Variants in LDLRAD3 observed in about 807,000 individuals in gnomAD.
The protein encoded by LDLRAD3 is low-density lipoprotein receptor class A domain-containing protein 3.
Under a neutral mutation model 29.4 loss-of-function variants are expected in LDLRAD3, and 20 were observed. The observed-to-expected ratio is 0.68, with a 90% CI of 0.48 to 0.99. The LOEUF is 0.99. Ranked by LOEUF, LDLRAD3 falls within the 50% of genes least tolerant of loss-of-function variation. LDLRAD3 has a pLI of 0.00. For missense variants in LDLRAD3, 420 were observed against 454.3 expected (o/e 0.92, Z 0.69); for synonymous variants, 157 against 192.7 (o/e 0.81, Z 1.53).
chr11:36,212,518 C>T (rs1035887291), intron 4 of LDLRAD3, among the ~76,000 whole-genome samples: 3 of 151,524 alleles, frequency 2.0e-5, no homozygotes, highest in Admixed American at 6.6e-5. Flanking sequence ...TGCCATTGCA[C>T]TCTAGCCTGG....
intron 2 of LDLRAD3, among the ~76,000 whole-genome samples, chr11:36,061,794 G>C (rs1223144393): frequency 6.6e-6 from 1 of 152,104 alleles, no homozygotes; most frequent in Non-Finnish European, 1.5e-5. Flanking sequence ...ATGGCAACTG[G>C]GTCTTTGGTA....
At chr11:35,970,760 T>C (rs1183298777) in intron 1 of LDLRAD3, among the ~76,000 whole-genome samples, 1 of 152,228 alleles carries the variant, frequency 6.6e-6, no homozygotes, top group Non-Finnish European at 1.5e-5. Context: ...ATTTTCATGA[T>C]GGAGCCAGCA....
chr11:35,981,649 G>A (rs996998207), intron 1 of LDLRAD3, among the ~76,000 whole-genome samples: 1 of 152,120 alleles, frequency 6.6e-6, no homozygotes, highest in Admixed American at 6.5e-5. Flanking sequence ...AAAGGAAGTC[G>A]ATTTCAGTAG....
At chr11:36,138,649 G>A (rs930126472) in intron 4 of LDLRAD3, among the ~76,000 whole-genome samples, 3 of 152,212 alleles carry the variant, frequency 2.0e-5, no homozygotes, top group African/African-American at 7.2e-5. Context: ...CTGCATTTTG[G>A]TGACAGATTT....
intron 1 of LDLRAD3, among the ~76,000 whole-genome samples, chr11:35,956,152 A>G (rs1187962411): frequency 3.3e-5 from 5 of 152,142 alleles, no homozygotes; most frequent in Non-Finnish European, 5.9e-5. Flanking sequence ...GAGAAGGTGT[A>G]TTTTTGTTAT....
At chr11:35,955,801 A>G (rs1851193629) in intron 1 of LDLRAD3, among the ~76,000 whole-genome samples, 1 of 152,232 alleles carries the variant, frequency 6.6e-6, no homozygotes, top group Non-Finnish European at 1.5e-5. Context: ...CATAGTTCTA[A>G]TGTTTTAAGT....
intron 2 of LDLRAD3, among the ~76,000 whole-genome samples, chr11:36,059,679 T>C (rs750840215): frequency 6.6e-6 from 1 of 152,226 alleles, no homozygotes; most frequent in African/African-American, 2.4e-5. Context: ...GCTTCTGCCT[T>C]AGATATTCCT....
At chr11:36,148,204 A>G (rs914004583) in intron 4 of LDLRAD3, among the ~76,000 whole-genome samples, 2 of 152,128 alleles carry the variant, frequency 1.3e-5, no homozygotes, top group African/African-American at 4.8e-5. Context: ...TTCTTATTAA[A>G]TAAATGTTAT....
chr11:36,055,360 C>G (rs10836485), intron 2 of LDLRAD3, among the ~76,000 whole-genome samples: 54,623 of 151,650 alleles, frequency 0.36, 9,876 homozygotes, highest in African/African-American at 0.38. Context: ...CCCTCTCTTT[C>G]TCTCTCAGCC....
intron 2 of LDLRAD3, among the ~76,000 whole-genome samples, chr11:36,067,772 G>A (rs537518843): frequency 2.0e-5 from 3 of 152,224 alleles, no homozygotes; most frequent in Non-Finnish European, 2.9e-5. Flanking sequence ...CTGGGCTGAA[G>A]CGATCCTCCC....
At chr11:36,119,908 T>G (rs1330313047) in intron 4 of LDLRAD3, among the ~76,000 whole-genome samples, 3 of 152,242 alleles carry the variant, frequency 2.0e-5, no homozygotes, top group African/African-American at 7.2e-5. Flanking sequence ...CATTGCCTAA[T>G]TCAAAGTGCC....
At chr11:36,133,860 A>G (rs12286773) in intron 4 of LDLRAD3, among the ~76,000 whole-genome samples, 161 of 152,048 alleles carry the variant, frequency 1.1e-3, no homozygotes, top group African/African-American at 3.7e-3. Flanking sequence ...GAAGGATAAA[A>G]TGGTCCAGTT....
chr11:36,124,186 A>G (rs1853802077), intron 4 of LDLRAD3, among the ~76,000 whole-genome samples: 1 of 152,198 alleles, frequency 6.6e-6, no homozygotes, highest in Non-Finnish European at 1.5e-5. Context: ...AGAAGTATTG[A>G]TCACAAATTA....
chr11:36,190,553 A>G (rs567992970), intron 4 of LDLRAD3, among the ~76,000 whole-genome samples: 184 of 152,326 alleles, frequency 1.2e-3, no homozygotes, highest in Non-Finnish European at 2.4e-3. Context: ...GGTATATCCC[A>G]GAAGGTAGAA....
At chr11:36,155,720 C>T (rs79667800) in intron 4 of LDLRAD3, among the ~76,000 whole-genome samples, 1 of 152,236 alleles carries the variant, frequency 6.6e-6, no homozygotes, top group African/African-American at 2.4e-5. Context: ...TAGGATACAG[C>T]AGGGGCCTCT....
chr11:36,032,936 G>A (rs980076756), intron 1 of LDLRAD3, among the ~76,000 whole-genome samples: 13 of 151,752 alleles, frequency 8.6e-5, no homozygotes, highest in Admixed American at 2.0e-4. Flanking sequence ...GTGCAGTGGC[G>A]TGATCTCGGC....
intron 4 of LDLRAD3, among the ~76,000 whole-genome samples, chr11:36,206,814 C>T (rs1401741751): frequency 6.6e-6 from 1 of 151,078 alleles, no homozygotes; most frequent in African/African-American, 2.4e-5. Context: ...TCAACCTCTG[C>T]CTCCTGGGTT....
intron 1 of LDLRAD3, among the ~76,000 whole-genome samples, chr11:36,006,336 G>C (rs1385714368): frequency 6.6e-6 from 1 of 152,190 alleles, no homozygotes; most frequent in African/African-American, 2.4e-5. Context: ...GGATGCTCTT[G>C]ACTTTTCCCA....
intron 2 of LDLRAD3, among the ~76,000 whole-genome samples, chr11:36,065,823 T>A (rs1320376638): frequency 6.6e-6 from 1 of 152,194 alleles, no homozygotes; most frequent in Non-Finnish European, 1.5e-5. Context: ...AACCTGAGTT[T>A]TAGGGTTCTG....
Sources: gnomAD v4.1 joint callset for allele counts (sites outside exome capture counted in the v4.1 genomes callset) on GRCh38, gnomAD v4.1.1 for gene constraint, MANE v1.5 for transcripts, NCBI Gene and HGNC (gene_info 2026-07-23, HGNC 2026-07-21) for gene names.